FBN2: variants seen among roughly 807,000 people sequenced by gnomAD.
FBN2 encodes the protein fibrillin 2.
Under a neutral mutation model 355.6 loss-of-function variants are expected in FBN2, and 105 were observed. That is an observed-to-expected ratio of 0.30 (90% confidence interval 0.25 to 0.35). The LOEUF (loss-of-function observed/expected upper bound fraction) is 0.35. Among genes scored for constraint, FBN2 ranks in the 10% least tolerant of loss-of-function variants. FBN2 has a pLI of 1.00. For missense variants in FBN2, 3,280 were observed against 3,758.7 expected (o/e 0.87, Z 3.33); for synonymous variants, 1,350 against 1,301.2 (o/e 1.04, Z -0.81).
At chr5:128,295,938 G>T (rs1749495003) in intron 48 of FBN2, among the ~76,000 whole-genome samples, 1 of 145,688 alleles carries the variant, frequency 6.9e-6, no homozygotes, top group Non-Finnish European at 1.5e-5. Flanking sequence ...AATGCTTCCA[G>T]TTTTTGCCCA....
At chr5:128,328,546 C>T in intron 34 of FBN2, 150 bp downstream of exon 34, 2 of 859,022 alleles carry the variant, frequency 2.3e-6, no homozygotes, top group Non-Finnish European at 3.8e-6. Flanking sequence ...ATTCATTCGG[C>T]AAAATAATCC....
Position 128,273,968 on chromosome 5 carries a change from T to C in FBN2, c.7712A>G (p.Asp2571Gly). 6.2e-7 allele frequency: 1 copy of C among 1,613,972 alleles called. No individual in the cohort carries two copies. The highest frequency in any genetic ancestry group is 8.5e-7 in the Non-Finnish European group (1 of 1,179,886). Residue 2571 changes from aspartate (D) to glycine (G), a missense_variant and splice_region_variant, in exon 61 of 65, where the codon GAC (aspartate) becomes GGC (glycine). By Grantham distance (94) the Asp-to-Gly change is moderately conservative. Coordinates refer to ENST00000262464, the MANE Select transcript of FBN2 (RefSeq NM_001999.4). ...GFTQHHTACIDNNECGSQPSL... is the reference protein window; with the variant it reads ...GFTQHHTACIGNNECGSQPSL... ...AGGTTGAGACCCACATTCGTTGTTG[T>C]CTGGCAAAGCATCAAGAAGCAGAGC...
At chr5:128,526,999 G>A (rs892489687) in intron 4 of FBN2, among the ~76,000 whole-genome samples, 5 of 152,100 alleles carry the variant, frequency 3.3e-5, no homozygotes, top group African/African-American at 1.2e-4. Context: ...GTTTTTCTAT[G>A]TTTAAAAAAG....
chr5:128,342,494 C>T (rs1342179751), intron 25 of FBN2, among the ~76,000 whole-genome samples: 3 of 151,878 alleles, frequency 2.0e-5, no homozygotes, highest in African/African-American at 4.8e-5. Flanking sequence ...AGCAGGAAAA[C>T]GGGATGGTAG....
chr5:128,444,377 G>C (rs1754010850), intron 7 of FBN2, among the ~76,000 whole-genome samples: 1 of 152,092 alleles, frequency 6.6e-6, no homozygotes, highest in Admixed American at 6.5e-5. Flanking sequence ...CGGCCCACTT[G>C]TTCTTTTATA....
At chr5:128,443,491 G>C (rs924175533) in intron 7 of FBN2, among the ~76,000 whole-genome samples, 1 of 152,164 alleles carries the variant, frequency 6.6e-6, no homozygotes, top group African/African-American at 2.4e-5. Context: ...GCTCTGTCCT[G>C]AAGGATCTCA....
intron 41 of FBN2, among the ~76,000 whole-genome samples, chr5:128,308,558 T>C (rs1749947669): frequency 6.6e-6 from 1 of 152,306 alleles, no homozygotes; most frequent in Non-Finnish European, 1.5e-5. Flanking sequence ...GTATCTATAG[T>C]TATTAAAAGT....
At chr5:128,439,048 A>G (rs1267709786) in intron 7 of FBN2, among the ~76,000 whole-genome samples, 3 of 152,136 alleles carry the variant, frequency 2.0e-5, no homozygotes, top group Admixed American at 2.0e-4. Flanking sequence ...TATACCTTCA[A>G]CATACGTTTA....
At chr5:128,512,013 A>G (rs1186897806) in intron 5 of FBN2, among the ~76,000 whole-genome samples, 1 of 152,234 alleles carries the variant, frequency 6.6e-6, no homozygotes, top group African/African-American at 2.4e-5. Context: ...TTACAATAAA[A>G]ACATGTCAAA....
intron 58 of FBN2, 112 bp from the exon 59 acceptor site, chr5:128,276,272 T>C (rs1264690861): frequency 8.2e-6 from 9 of 1,100,118 alleles, no homozygotes; most frequent in Non-Finnish European, 8.2e-6. Flanking sequence ...CAACTTAAAG[T>C]GGAATATAGC....
intron 4 of FBN2, among the ~76,000 whole-genome samples, chr5:128,526,889 A>T (rs1334240680): frequency 6.6e-6 from 1 of 152,158 alleles, no homozygotes; most frequent in African/African-American, 2.4e-5. Flanking sequence ...AAATTTTGTT[A>T]TGTATATTTT....
Position 128,536,460 on chromosome 5 carries a change from G to C in FBN2, c.279C>G (p.Phe93Leu), listed in dbSNP as rs757906353. 1 of 1,614,018 alleles carries C rather than the reference G, an allele frequency of 6.2e-7. No homozygotes were observed. The highest frequency in any genetic ancestry group is 1.1e-5 in the South Asian group (1 of 91,034). The change falls in exon 2 of 65, where the codon TTC (phenylalanine) becomes TTG (leucine). Residue 93 changes from phenylalanine to leucine, a missense_variant. By Grantham distance (22) the Phe-to-Leu change is conservative (BLOSUM62 0). Coordinates refer to ENST00000262464, the MANE Select transcript of FBN2 (RefSeq NM_001999.4). ...TCCATCCAGGGCAGCAGTAGGAGTG[G>C]AATCTGGAGCCGCACACGTTGGGCC... ...LRGPNVCGSRFHSYCCPGWKT... is the reference protein window; with the variant it reads ...LRGPNVCGSRLHSYCCPGWKT...
rs1487180214 is a variant in FBN2 at position 128,310,106 on chromosome 5, T to C, written c.5077A>G (p.Ile1693Val). The change falls in exon 40 of 65, where the codon ATT becomes GTT. Residue 1693 changes from isoleucine to valine, a missense_variant and splice_region_variant. Around this residue, in one of 6 missense-constraint regions of FBN2, gnomAD observed 2,284 missense variants for 2,749.5 expected, o/e 0.83. Transcript: ENST00000262464. ...LSEDTRICED[I>V]DECFAHPGVC... ...CCAGGATGTGCAAAACACTCATCAA[T>C]ATCTAGAGTAGGCAAGAATATCTAT... The C allele has an allele frequency of 2.5e-6, 4 of 1,610,780 alleles. No homozygotes were observed. The highest frequency in any genetic ancestry group is 1.1e-5 in the South Asian group (1 of 90,968).
chr5:128,305,697 C>A, intron 43 of FBN2, 61 bp from the exon 44 acceptor site: 2 of 1,602,850 alleles, frequency 1.2e-6, no homozygotes, highest in Non-Finnish European at 1.7e-6. Context: ...GCATTACATT[C>A]ACGTCACACT....
chr5:128,506,109 C>T (rs1755951572), intron 5 of FBN2, among the ~76,000 whole-genome samples: 2 of 152,162 alleles, frequency 1.3e-5, no homozygotes, highest in Non-Finnish European at 2.9e-5. Flanking sequence ...AGTAGAATGA[C>T]ATCTCATTGT....
At chr5:128,306,924 A>C (rs941578624) in intron 42 of FBN2, among the ~76,000 whole-genome samples, 1 of 152,230 alleles carries the variant, frequency 6.6e-6, no homozygotes, top group Non-Finnish European at 1.5e-5. Flanking sequence ...CATAACTACC[A>C]TAACCCAATC....
At chr5:128,434,400 A>G (rs1251971385) in intron 7 of FBN2, among the ~76,000 whole-genome samples, 1 of 71,524 alleles carries the variant, frequency 1.4e-5, no homozygotes, top group African/African-American at 6.3e-5. Context: ...GTGTGTATAT[A>G]TATATATATA....
intron 8 of FBN2, among the ~76,000 whole-genome samples, chr5:128,396,421 T>C (rs1752652310): frequency 6.6e-6 from 1 of 152,152 alleles, no homozygotes; most frequent in South Asian, 2.1e-4. Context: ...GAAAACTGAC[T>C]GTGCCAAACT....
chr5:128,401,446 T>G (rs1000564724), intron 8 of FBN2, among the ~76,000 whole-genome samples: 7 of 152,200 alleles, frequency 4.6e-5, no homozygotes, highest in Admixed American at 4.6e-4. Context: ...TGTGAGGATC[T>G]GAAGTACATT....
Sources: allele counts gnomAD v4.1 joint callset (sites outside exome capture counted in the v4.1 genomes callset), GRCh38; gene constraint gnomAD v4.1.1; regional missense constraint gnomAD v4.1.1; transcripts MANE v1.5; gene names NCBI Gene and HGNC (gene_info 2026-07-23, HGNC 2026-07-21).